The following NCKAP1 variants were observed in gnomAD, a reference collection of about 807,000 sequenced individuals.
The protein encoded by NCKAP1 is nck-associated protein 1.
Under a neutral mutation model 151.2 loss-of-function variants are expected in NCKAP1, and 21 were observed. That is an observed-to-expected ratio of 0.14 (90% CI 0.10 to 0.20). NCKAP1 has a LOEUF of 0.20. Among genes scored for constraint, NCKAP1 ranks in the 10% least tolerant of loss-of-function variants. NCKAP1 has a pLI of 1.00. For missense variants in NCKAP1, 933 were observed against 1,352.1 expected (o/e 0.69, Z 4.86); for synonymous variants, 484 against 451.8 (o/e 1.07, Z -0.90).
At position 182,982,824 on chromosome 2, in the gene NCKAP1, T is replaced by C; in HGVS notation, c.1205A>G (p.Asp402Gly). ...TTTTTAAATGTTGCTAACTTACTTA[T>C]CTATAAAGTCGTCTGCACTCTTCTT... Reference protein sequence around the residue: ...MPKKSADDFIDKHIAELIFYM... With the variant: ...MPKKSADDFIGKHIAELIFYM... Residue 402 changes from aspartate (D) to glycine (G), a missense_variant, in exon 12 of 31, where the codon GAT (aspartate) becomes GGT (glycine). Asp to Gly is a moderately conservative substitution (Grantham distance 94, BLOSUM62 -1). Around this residue, in one of 2 missense-constraint regions of NCKAP1, gnomAD observed 607 missense variants for 795.0 expected, o/e 0.76. Transcript: ENST00000361354. The C allele has an allele frequency of 6.3e-7, 1 of 1,578,872 alleles. No homozygotes were observed. Among genetic ancestry groups the C allele is most frequent in the Non-Finnish European group, 8.6e-7 (1 of 1,164,676 alleles).
In NCKAP1 at chr2:182,923,766, A is replaced by G. The variant is rs1300700554; in HGVS notation, c.*1936T>C. On this transcript the variant is annotated 3_prime_UTR_variant, in exon 31 of 31. Coordinates refer to ENST00000361354, the MANE Select transcript of NCKAP1 (RefSeq NM_013436.5). ...AAATAAAACAAACAAGATATTAAAA[A>G]TAGTAGTTGTCAATTTACTTTTAAC... The G allele has an allele frequency of 6.6e-6, 1 of 152,204 alleles. No individual in the cohort carries two copies. Among genetic ancestry groups the G allele is most frequent in the Non-Finnish European group, 1.5e-5 (1 of 68,026 alleles). The allele number at this position is 152,204 out of a possible 1,614,324, so 9.4% of individuals were successfully genotyped here.
chr2:182,939,491 A>C (rs1252408705), intron 24 of NCKAP1, among the ~76,000 whole-genome samples: 3 of 152,138 alleles, frequency 2.0e-5, no homozygotes, highest in African/African-American at 7.2e-5. Flanking sequence ...CTGTGTCATT[A>C]CACTTCAGCC....
rs780394226 is a variant in NCKAP1 at position 182,962,146 on chromosome 2, C to T, written c.1881+13G>A. ...CAAAATTTCCTATCTGTTGGAAACACTTAAATCATTACCTGGTCACTAAGG... is the reference window on the plus strand; with the variant it reads ...CAAAATTTCCTATCTGTTGGAAACATTTAAATCATTACCTGGTCACTAAGG... On this transcript the variant is annotated intron_variant, in intron 18 of 30. Coordinates refer to ENST00000361354, the MANE Select transcript of NCKAP1 (RefSeq NM_013436.5). 6.3e-7 allele frequency: 1 copy of T among 1,580,356 alleles called. No homozygotes were observed. Among genetic ancestry groups the T allele is most frequent in the Admixed American group, 1.8e-5 (1 of 54,360 alleles).
chr2:182,935,428 C>A, intron 24 of NCKAP1, 53 bp from the exon 25 acceptor site: 3 of 1,075,420 alleles, frequency 2.8e-6, no homozygotes, highest in Non-Finnish European at 3.9e-6. Context: ...GAACTGGATT[C>A]TTTCTTAAAC....
chr2:182,930,679 T>C lies in NCKAP1; in HGVS notation c.2953+16A>G. On this transcript the variant is annotated intron_variant, in intron 27 of 30. Transcript: ENST00000361354. ...ACTTTAACTAAGAGTATTAAATATT[T>C]ACTAATGCATTTTACCCGATTTTTG... is the stretch of plus-strand genomic sequence containing the variant. 1 of 1,597,054 alleles carries C rather than the reference T, an allele frequency of 6.3e-7. No homozygotes were observed. The highest frequency in any genetic ancestry group is 8.6e-7 in the Non-Finnish European group (1 of 1,164,846).
intron 8 of NCKAP1, among the ~76,000 whole-genome samples, chr2:182,992,209 A>C (rs1268560276): frequency 2.0e-5 from 3 of 152,220 alleles, no homozygotes; most frequent in African/African-American, 7.2e-5. Flanking sequence ...GAAAAATCCT[A>C]GTCTGGGTAG....
In NCKAP1 at chr2:182,994,821, C is replaced by A. The variant is rs770411729; in HGVS notation, c.790+18G>T. The A allele has an allele frequency of 8.2e-6, 13 of 1,587,870 alleles. No homozygotes were observed. In the Admixed American group the frequency reaches 2.0e-4, roughly 24 times the overall value. The stretch of plus-strand genomic sequence containing the variant: ...TAAAGCCTGGGGAGTAATCATAACA[C>A]TAACCCATTTTACTTACAGATAATC... On this transcript the variant is annotated intron_variant, in intron 8 of 30. Transcript: ENST00000361354.
intron 20 of NCKAP1, among the ~76,000 whole-genome samples, chr2:182,953,771 C>T (rs188833275): frequency 1.9e-3 from 287 of 151,938 alleles, no homozygotes; most frequent in Non-Finnish European, 3.5e-3. Context: ...GCACTCCAGC[C>T]TGGGCAACAG....
At chr2:183,032,608 T>C (rs1699025639) in intron 1 of NCKAP1, among the ~76,000 whole-genome samples, 1 of 152,234 alleles carries the variant, frequency 6.6e-6, no homozygotes, top group African/African-American at 2.4e-5. Flanking sequence ...TGTTATCTTA[T>C]GGGACTACTG....
Position 182,925,835 on chromosome 2 carries a change from A to C in NCKAP1, c.3271-17T>G, listed in dbSNP as rs765833566. Reference sequence around the variant, plus strand: ...TTGTACAATCTGTAAAATTCAAAAAATCCATCAAAACAAGTTATTTATAAC... The same window carrying C: ...TTGTACAATCTGTAAAATTCAAAAACTCCATCAAAACAAGTTATTTATAAC... On this transcript the variant is annotated splice_polypyrimidine_tract_variant and intron_variant, in intron 30 of 30. Coordinates refer to ENST00000361354, the MANE Select transcript of NCKAP1 (RefSeq NM_013436.5). 2 of 1,386,528 alleles carry C rather than the reference A, an allele frequency of 1.4e-6. No homozygotes were observed. The highest frequency in any genetic ancestry group is 2.8e-5 in the South Asian group (2 of 72,184). The allele number at this position is 1,386,528 out of a possible 1,614,324, so 85.9% of individuals were successfully genotyped here. A position where few individuals can be genotyped will look rare whatever the true frequency, so the allele number is the denominator to read the frequency against.
At chr2:182,999,480 A>AT (rs1698336970) in intron 6 of NCKAP1, among the ~76,000 whole-genome samples, 1 of 152,236 alleles carries the variant, frequency 6.6e-6, no homozygotes, top group South Asian at 2.1e-4. Context: ...AATGGCAAAT[A>AT]TTAAAAAGTC....
chr2:183,005,985 C>T (rs1019008410), intron 2 of NCKAP1, among the ~76,000 whole-genome samples: 3 of 152,186 alleles, frequency 2.0e-5, no homozygotes, highest in African/African-American at 7.2e-5. Flanking sequence ...TAATGTCTAA[C>T]AGCAGCTATC....
chr2:182,922,283 C>CTTTTTG lies in NCKAP1; in HGVS notation c.*3418_*3419insCAAAAA, dbSNP rs1696562320. ...ATTTAGAAGGCCTGATGGTGTACAA[C>CTTTTTG]AGACTTTACATTTTCACATTAATGC... On this transcript the variant is annotated 3_prime_UTR_variant, in exon 31 of 31. Transcript: ENST00000361354. 1.3e-5 allele frequency: 2 copies of CTTTTTG among 152,202 alleles called. No individual in the cohort carries two copies. The highest frequency in any genetic ancestry group is 2.9e-5 in the Non-Finnish European group (2 of 68,030). The allele number at this position is 152,202 out of a possible 1,614,324, so 9.4% of individuals were successfully genotyped here. A position where few individuals can be genotyped will look rare whatever the true frequency, so the allele number is the denominator to read the frequency against.
intron 15 of NCKAP1, among the ~76,000 whole-genome samples, chr2:182,967,646 CAATT>C (rs1402088279): frequency 6.6e-6 from 1 of 152,076 alleles, no homozygotes; most frequent in Non-Finnish European, 1.5e-5. Flanking sequence ...AAGTGTAAAA[CAATT>C]AATTGTCATA....
chr2:182,956,399 T>C (rs1325636064), intron 20 of NCKAP1, 63 bp downstream of exon 20: 9 of 1,540,066 alleles, frequency 5.8e-6, no homozygotes, highest in East Asian at 2.3e-5. Context: ...TAAAACACTG[T>C]ATAATTAAAT....
intron 18 of NCKAP1, among the ~76,000 whole-genome samples, chr2:182,961,241 C>T (rs1697443467): frequency 1.3e-5 from 2 of 152,090 alleles, no homozygotes; most frequent in African/African-American, 4.8e-5. Flanking sequence ...GGTATATACC[C>T]AAAGGATTAT....
At chr2:183,001,007 A>G (rs555324694) in intron 6 of NCKAP1, among the ~76,000 whole-genome samples, 1 of 152,344 alleles carries the variant, frequency 6.6e-6, no homozygotes, top group Non-Finnish European at 1.5e-5. Context: ...GGGCAGGAGA[A>G]TCACGAGCCC....
At chr2:183,035,832 A>G (rs925583920) in intron 1 of NCKAP1, among the ~76,000 whole-genome samples, 1 of 152,164 alleles carries the variant, frequency 6.6e-6, no homozygotes, top group African/African-American at 2.4e-5. Flanking sequence ...GAGAGAGAGG[A>G]GGGAAGTAAT....
At chr2:182,977,383 G>A (rs1196852510) in intron 14 of NCKAP1, among the ~76,000 whole-genome samples, 4 of 152,130 alleles carry the variant, frequency 2.6e-5, no homozygotes, top group Middle Eastern at 3.4e-3. Flanking sequence ...CCAGCTACTC[G>A]GGAGACTAAG....
Sources: allele counts gnomAD v4.1 joint callset (sites outside exome capture counted in the v4.1 genomes callset), GRCh38; gene constraint gnomAD v4.1.1; regional missense constraint gnomAD v4.1.1; transcripts MANE v1.5; gene names NCBI Gene and HGNC (gene_info 2026-07-23, HGNC 2026-07-21).